ERG: variants seen among roughly 807,000 people sequenced by gnomAD.
ERG encodes the protein transcriptional regulator ERG.
A neutral mutation model predicts 55.3 loss-of-function variants in ERG; 9 were observed. The ratio of observed to expected loss-of-function variants is 0.16; its 90% confidence interval spans 0.10 to 0.28. ERG has a LOEUF of 0.28. Among genes scored for constraint, ERG ranks in the 10% least tolerant of loss-of-function variants. The pLI is 1.00. For missense variants in ERG, 434 were observed against 631.6 expected, an observed-to-expected ratio of 0.69 and a Z score of 3.35; for synonymous variants, 223 against 237.3, an observed-to-expected ratio of 0.94 and a Z score of 0.55.
chr21:38,536,179 T>G (rs2059708740), intron 2 of ERG, among the ~76,000 whole-genome samples: 1 of 152,100 alleles, frequency 6.6e-6, no homozygotes, highest in African/African-American at 2.4e-5. Flanking sequence ...ATTAATGGAC[T>G]CTCCAGGTAG....
intron 1 of ERG, among the ~76,000 whole-genome samples, chr21:38,635,053 G>A (rs947686203): frequency 6.6e-6 from 1 of 152,174 alleles, no homozygotes; most frequent in Non-Finnish European, 1.5e-5. Flanking sequence ...AATATGAAAA[G>A]CCTACATACT....
At chr21:38,575,338 G>GC (rs1281191902) in intron 2 of ERG, among the ~76,000 whole-genome samples, 1 of 152,104 alleles carries the variant, frequency 6.6e-6, no homozygotes, top group Non-Finnish European at 1.5e-5. Flanking sequence ...TTTTCAGCTG[G>GC]CAGGCCATAT....
chr21:38,603,271 T>C (rs576641152), intron 1 of ERG, among the ~76,000 whole-genome samples: 11 of 152,188 alleles, frequency 7.2e-5, no homozygotes, highest in Admixed American at 7.2e-4. Context: ...TCAAGGTCTC[T>C]AGCAGTGGCC....
chr21:38,484,560 G>C (rs1455283127), intron 1 of ERG, among the ~76,000 whole-genome samples: 1 of 152,186 alleles, frequency 6.6e-6, no homozygotes, highest in Non-Finnish European at 1.5e-5. Flanking sequence ...ATGCAGTTGA[G>C]TTCAGCTGTT....
intron 2 of ERG, among the ~76,000 whole-genome samples, chr21:38,436,185 A>G (rs1332557371): frequency 6.7e-6 from 1 of 150,068 alleles, no homozygotes; most frequent in Non-Finnish European, 1.5e-5. Context: ...TTTAATATAT[A>G]TTTTTAGTAG....
At chr21:38,485,298 G>A (rs1419945440) in intron 1 of ERG, among the ~76,000 whole-genome samples, 1 of 152,044 alleles carries the variant, frequency 6.6e-6, no homozygotes, top group Non-Finnish European at 1.5e-5. Flanking sequence ...TATAAAGAAT[G>A]AAAATATTTC....
chr21:38,513,448 A>G (rs1292784990), intron 2 of ERG, among the ~76,000 whole-genome samples: 4 of 152,224 alleles, frequency 2.6e-5, no homozygotes, highest in African/African-American at 9.6e-5. Flanking sequence ...TGAGAAGTAT[A>G]TCAGTATGAG....
chr21:38,576,612 T>C (rs2059996099), intron 1 of ERG, among the ~76,000 whole-genome samples: 1 of 152,206 alleles, frequency 6.6e-6, no homozygotes, highest in South Asian at 2.1e-4. Context: ...CCACTGTCTG[T>C]GCCCTCCCCT....
intron 1 of ERG, among the ~76,000 whole-genome samples, chr21:38,652,980 C>T (rs2060497158): frequency 6.6e-6 from 1 of 152,206 alleles, no homozygotes; most frequent in Non-Finnish European, 1.5e-5. Context: ...CAAGTATGTT[C>T]ACCCACTTTC....
intron 6 of ERG, among the ~76,000 whole-genome samples, chr21:38,397,315 G>A (rs952083871): frequency 2.0e-5 from 3 of 152,016 alleles, no homozygotes; most frequent in East Asian, 1.9e-4. Flanking sequence ...AAGGTAGATT[G>A]GGGGCTGGGC....
At chr21:38,553,458 A>G (rs953711307) in intron 2 of ERG, among the ~76,000 whole-genome samples, 5 of 152,172 alleles carry the variant, frequency 3.3e-5, no homozygotes, top group African/African-American at 4.8e-5. Flanking sequence ...AGTAACCAAG[A>G]CAGCATAGAA....
At chr21:38,545,781 C>T (rs989703379) in intron 2 of ERG, among the ~76,000 whole-genome samples, 3 of 152,176 alleles carry the variant, frequency 2.0e-5, no homozygotes, top group African/African-American at 4.8e-5. Flanking sequence ...CATGACATGA[C>T]CACATCCAAT....
intron 2 of ERG, among the ~76,000 whole-genome samples, chr21:38,528,541 G>A (rs1215342469): frequency 7.6e-5 from 3 of 39,262 alleles, no homozygotes; most frequent in East Asian, 8.4e-4. Flanking sequence ...TCCGCCTCCC[G>A]GGTTCACGCC....
intron 2 of ERG, among the ~76,000 whole-genome samples, chr21:38,552,221 C>G (rs2059828892): frequency 6.6e-6 from 1 of 152,056 alleles, no homozygotes; most frequent in South Asian, 2.1e-4. Context: ...AGCCCTAGAC[C>G]AGAGAGATTC....
chr21:38,398,849 C>A (rs1244498695), intron 6 of ERG, among the ~76,000 whole-genome samples: 1 of 152,198 alleles, frequency 6.6e-6, no homozygotes, highest in Non-Finnish European at 1.5e-5. Context: ...TACTAGCTCA[C>A]AACCCCTGGC....
chr21:38,637,915 T>C (rs991831198), intron 1 of ERG, among the ~76,000 whole-genome samples: 2 of 152,092 alleles, frequency 1.3e-5, no homozygotes, highest in Non-Finnish European at 2.9e-5. Flanking sequence ...GGGGTCTAGA[T>C]AATAAAAGTA....
At chr21:38,464,714 T>C (rs1248343494) in intron 1 of ERG, among the ~76,000 whole-genome samples, 1 of 152,048 alleles carries the variant, frequency 6.6e-6, no homozygotes, top group Non-Finnish European at 1.5e-5. Flanking sequence ...ATCCCTCACC[T>C]ACCCTCCTAC....
chr21:38,439,295 T>C (rs910650225), intron 2 of ERG, among the ~76,000 whole-genome samples: 1 of 152,204 alleles, frequency 6.6e-6, no homozygotes, highest in Non-Finnish European at 1.5e-5. Flanking sequence ...AGAAGACAGT[T>C]TGCTTGTGGA....
In ERG at chr21:38,381,411, T is replaced by A. The variant is rs1987429053; in HGVS notation, c.*1992A>T. 9.4e-7 allele frequency: 1 copy of A among 1,062,664 alleles called. No individual in the cohort carries two copies. The highest frequency in any genetic ancestry group is 5.4e-5 in the Admixed American group (1 of 18,640). 65.8% of individuals were successfully genotyped at this position (1,062,664 alleles called of 1,614,324 possible). A position where few individuals can be genotyped will look rare whatever the true frequency, so the allele number is the denominator to read the frequency against. On this transcript the variant is annotated 3_prime_UTR_variant, in exon 10 of 10. Transcript: ENST00000288319. Reference sequence around the variant, plus strand: ...TGACTCTAGATTATGGAAATAAACATTGTCTTCAAGGGATAGCCAGCAACA... The same window carrying A: ...TGACTCTAGATTATGGAAATAAACAATGTCTTCAAGGGATAGCCAGCAACA...
Sources: gnomAD v4.1 joint callset for allele counts (sites outside exome capture counted in the v4.1 genomes callset) on GRCh38, gnomAD v4.1.1 for gene constraint, MANE v1.5 for transcripts, NCBI Gene and HGNC (gene_info 2026-07-23, HGNC 2026-07-21) for gene names.